Variants in LRRTM4 observed in about 807,000 individuals in gnomAD.
LRRTM4 encodes leucine rich repeat transmembrane neuronal 4, also known as leucine-rich repeat transmembrane neuronal protein 4.
In LRRTM4, 25 loss-of-function variants were observed where a neutral mutation model predicts 47.6. The observed-to-expected ratio is 0.53, with a 90% CI of 0.38 to 0.73. The LOEUF (loss-of-function observed/expected upper bound fraction) is 0.73. Among genes scored for constraint, LRRTM4 ranks in the 30% least tolerant of loss-of-function variants. LRRTM4 has a pLI of 0.00. For missense variants in LRRTM4, 638 were observed against 713.4 expected (o/e 0.89, Z 1.20); for synonymous variants, 311 against 269.5 (o/e 1.15, Z -1.51).
At chr2:76,803,094 C>T (rs890202365) in intron 3 of LRRTM4, among the ~76,000 whole-genome samples, 1 of 151,962 alleles carries the variant, frequency 6.6e-6, no homozygotes, top group Non-Finnish European at 1.5e-5. Flanking sequence ...GTAACTAAAG[C>T]AAAAATAGAC....
At chr2:77,435,130 T>A (rs767584376) in intron 3 of LRRTM4, among the ~76,000 whole-genome samples, 1 of 151,528 alleles carries the variant, frequency 6.6e-6, no homozygotes, top group Admixed American at 6.6e-5. Context: ...ACAACAAAAA[T>A]CTCTATTCAT....
intron 3 of LRRTM4, among the ~76,000 whole-genome samples, chr2:77,108,866 A>C (rs1212572006): frequency 1.3e-5 from 2 of 152,212 alleles, no homozygotes; most frequent in Admixed American, 6.5e-5. Flanking sequence ...TTCTTTATAC[A>C]TAAACCAAAA....
intron 3 of LRRTM4, among the ~76,000 whole-genome samples, chr2:77,271,522 G>A (rs1469572208): frequency 1.3e-5 from 2 of 152,102 alleles, no homozygotes; most frequent in Admixed American, 6.5e-5. Flanking sequence ...GGTTGAGTGC[G>A]GGGGGCCAAG....
chr2:76,807,978 C>G (rs538804496), intron 3 of LRRTM4, among the ~76,000 whole-genome samples: 1 of 129,870 alleles, frequency 7.7e-6, no homozygotes, highest in Admixed American at 8.0e-5. Context: ...TCCTTCCTTC[C>G]CTTCTTTCTT....
chr2:77,180,148 A>C (rs1194621636), intron 3 of LRRTM4, among the ~76,000 whole-genome samples: 1 of 152,150 alleles, frequency 6.6e-6, no homozygotes, highest in Non-Finnish European at 1.5e-5. Context: ...TAATGTAAAA[A>C]GAGTTTTCTG....
chr2:77,517,971 C>T (rs1248178490), intron 3 of LRRTM4: 1 of 1,024,600 alleles, frequency 9.8e-7, no homozygotes, highest in Non-Finnish European at 1.2e-6. Flanking sequence ...CAGTCAAACA[C>T]CAAGAACCAG....
chr2:76,757,474 T>G (rs188540567), intron 3 of LRRTM4, among the ~76,000 whole-genome samples: 2 of 152,226 alleles, frequency 1.3e-5, no homozygotes, highest in East Asian at 3.9e-4. Context: ...TTGACTCCAT[T>G]AACTGGGAAG....
chr2:76,775,558 T>C (rs1203532177), intron 3 of LRRTM4, among the ~76,000 whole-genome samples: 1 of 152,138 alleles, frequency 6.6e-6, no homozygotes, highest in Non-Finnish European at 1.5e-5. Context: ...GAGTTCTTGT[T>C]GTAAAACAGA....
chr2:76,895,776 T>TA (rs1039982012), intron 3 of LRRTM4, among the ~76,000 whole-genome samples: 2 of 146,258 alleles, frequency 1.4e-5, no homozygotes, highest in Non-Finnish European at 2.9e-5. Context: ...CTGTTTTTTA[T>TA]AAAAAATTAA....
intron 3 of LRRTM4, among the ~76,000 whole-genome samples, chr2:77,332,511 T>C (rs1042214821): frequency 1.3e-5 from 2 of 152,190 alleles, no homozygotes; most frequent in African/African-American, 4.8e-5. Flanking sequence ...CATGAGGATT[T>C]CTTCCCTTAG....
At chr2:76,896,670 T>C (rs758132578) in intron 3 of LRRTM4, among the ~76,000 whole-genome samples, 18 of 151,756 alleles carry the variant, frequency 1.2e-4, no homozygotes, top group Admixed American at 2.6e-4. Context: ...TTTCACTTAG[T>C]TAAAAAGTGT....
At chr2:77,300,871 C>G (rs1209637683) in intron 3 of LRRTM4, among the ~76,000 whole-genome samples, 1 of 152,000 alleles carries the variant, frequency 6.6e-6, no homozygotes, top group African/African-American at 2.4e-5. Flanking sequence ...CCAATACATA[C>G]TAAGTAAAAG....
intron 3 of LRRTM4, among the ~76,000 whole-genome samples, chr2:76,802,694 C>T (rs1313402657): frequency 6.6e-6 from 1 of 152,032 alleles, no homozygotes; most frequent in East Asian, 1.9e-4. Context: ...TATCATACTA[C>T]CTGACTTCCT....
chr2:77,093,519 A>G (rs759926146), intron 3 of LRRTM4, among the ~76,000 whole-genome samples: 55 of 151,676 alleles, frequency 3.6e-4, no homozygotes, highest in Middle Eastern at 3.4e-3. Context: ...CCCTCTCTAC[A>G]TTCCCACACC....
chr2:77,199,140 G>A (rs1387615616), intron 3 of LRRTM4, among the ~76,000 whole-genome samples: 1 of 151,830 alleles, frequency 6.6e-6, no homozygotes, highest in Non-Finnish European at 1.5e-5. Flanking sequence ...ATCTCTATAG[G>A]GACATTAAAT....
chr2:77,136,563 G>T (rs1671949699), intron 3 of LRRTM4, among the ~76,000 whole-genome samples: 1 of 152,282 alleles, frequency 6.6e-6, no homozygotes, highest in African/African-American at 2.4e-5. Context: ...CTAAAAATCA[G>T]AGCGCCTCTC....
At position 77,054,138 on chromosome 2, in the gene LRRTM4, G is replaced by C. The variant is rs543539207; in HGVS notation, c.1552-305222C>G. On this transcript the variant is annotated intron_variant, in intron 3 of 3. Transcript: ENST00000409884. ...GGGGAAACCACAGTAGCAATCTCAA[G>C]GAGTTGTTCTGAGGAGTCAGTAACA... Among the ~76,000 whole-genome samples the C allele has an allele frequency of 5.3e-5, 8 of 150,416 alleles. No individual in the cohort carries two copies. In the East Asian group the frequency reaches 1.6e-3, roughly 29 times the overall value.
chr2:76,825,472 G>A (rs1318323450), intron 3 of LRRTM4, among the ~76,000 whole-genome samples: 3 of 151,570 alleles, frequency 2.0e-5, no homozygotes, highest in Admixed American at 6.6e-5. Flanking sequence ...TACTTGACTC[G>A]AGCAATTGTG....
intron 3 of LRRTM4, among the ~76,000 whole-genome samples, chr2:77,267,973 A>G (rs977924674): frequency 6.6e-6 from 1 of 152,092 alleles, no homozygotes; most frequent in African/African-American, 2.4e-5. Flanking sequence ...ATCTCTGGCT[A>G]TTGACTGTCA....
Sources: allele counts gnomAD v4.1 joint callset (sites outside exome capture counted in the v4.1 genomes callset), GRCh38; gene constraint gnomAD v4.1.1; transcripts MANE v1.5; gene names NCBI Gene and HGNC (gene_info 2026-07-23, HGNC 2026-07-21).